Variants in KDM4C observed in about 807,000 individuals in gnomAD.
KDM4C encodes lysine-specific demethylase 4C.
In KDM4C, 81 loss-of-function variants were observed where a neutral mutation model predicts 129.3. The ratio of observed to expected loss-of-function variants is 0.63; its 90% confidence interval spans 0.52 to 0.75. The LOEUF (loss-of-function observed/expected upper bound fraction) is 0.75, where lower values mean the gene tolerates loss of function less well. Among genes scored for constraint, KDM4C ranks in the 30% least tolerant of loss-of-function variants. The probability of loss-of-function intolerance (pLI) is 0.00; values close to 1 mark genes in which losing one functional copy is unlikely to be tolerated. For synonymous variants in KDM4C, 573 were observed against 456.1 expected, an observed-to-expected ratio of 1.26 and a Z score of -3.26; for missense variants, 1,457 against 1,304.0, an observed-to-expected ratio of 1.12 and a Z score of -1.81.
chr9:6,936,725 G>A (rs1824862833), intron 8 of KDM4C, among the ~76,000 whole-genome samples: 1 of 152,156 alleles, frequency 6.6e-6, no homozygotes, highest in Non-Finnish European at 1.5e-5. Flanking sequence ...AGTGTAGTAG[G>A]TTAAGAGCAC....
intron 8 of KDM4C, among the ~76,000 whole-genome samples, chr9:6,938,918 G>A (rs373032770): frequency 6.6e-6 from 1 of 152,144 alleles, no homozygotes; most frequent in East Asian, 2.0e-4. Flanking sequence ...GGAATGCATA[G>A]ACCTGTTACT....
Position 7,104,032 on chromosome 9 carries a change from C to T in KDM4C, c.2610+162C>T, listed in dbSNP as rs41314199. ...GGGCAGGGATTGCGCACTGTTATTT[C>T]CTGGTATTTGCCTAGGACCTGTCAA... On this transcript the variant is annotated intron_variant, in intron 18 of 21. Coordinates refer to ENST00000381309, the MANE Select transcript of KDM4C (RefSeq NM_015061.6). 600 of 644,724 alleles carry T rather than the reference C, an allele frequency of 9.3e-4. 1 individual carries two copies. Among genetic ancestry groups the T allele is most frequent in the Non-Finnish European group, 1.4e-3 (514 of 376,682 alleles). The allele number at this position is 644,724 out of a possible 1,614,324, so 39.9% of individuals were successfully genotyped here. A position where few individuals can be genotyped will look rare whatever the true frequency, so the allele number is the denominator to read the frequency against.
chr9:6,820,851 C>G (rs975396215), intron 4 of KDM4C, among the ~76,000 whole-genome samples: 2 of 151,872 alleles, frequency 1.3e-5, no homozygotes, highest in African/African-American at 2.4e-5. Flanking sequence ...GATATTTCTC[C>G]TAATGCTATC....
At chr9:6,839,175 G>A (rs1836435480) in intron 4 of KDM4C, among the ~76,000 whole-genome samples, 7 of 152,072 alleles carry the variant, frequency 4.6e-5, no homozygotes, top group Admixed American at 4.6e-4. Context: ...ATGTGGGCTT[G>A]GATAAGAGTC....
chr9:6,723,186 C>T (rs1310658415), intron 1 of KDM4C, among the ~76,000 whole-genome samples: 1 of 151,852 alleles, frequency 6.6e-6, no homozygotes, highest in Non-Finnish European at 1.5e-5. Context: ...CCAGCCTGCC[C>T]AACATGGAGA....
chr9:6,887,918 T>C, intron 6 of KDM4C, 42 bp from the exon 7 acceptor site: 1 of 1,149,324 alleles, frequency 8.7e-7, no homozygotes, highest in Non-Finnish European at 1.3e-6. Context: ...ATATTTTCTC[T>C]TAATCGACAC....
At chr9:7,099,249 A>G (rs1016429270) in intron 17 of KDM4C, among the ~76,000 whole-genome samples, 2 of 152,220 alleles carry the variant, frequency 1.3e-5, no homozygotes, top group South Asian at 2.1e-4. Context: ...ATCAGAAATC[A>G]TATTAACAGG....
At chr9:6,814,107 TG>T in intron 3 of KDM4C, among the ~76,000 whole-genome samples, 1 of 152,288 alleles carries the variant, frequency 6.6e-6, no homozygotes, top group Admixed American at 6.5e-5. Flanking sequence ...TATGCTGGAA[TG>T]GTTTTGCCAG....
intron 5 of KDM4C, among the ~76,000 whole-genome samples, chr9:6,866,582 T>G (rs1300098540): frequency 1.3e-5 from 2 of 152,146 alleles, no homozygotes; most frequent in Non-Finnish European, 1.5e-5. Flanking sequence ...TCTGGCTGTC[T>G]TGAGGGATAT....
At chr9:6,891,484 A>G (rs1846111705) in intron 7 of KDM4C, among the ~76,000 whole-genome samples, 1 of 152,170 alleles carries the variant, frequency 6.6e-6, no homozygotes, top group Non-Finnish European at 1.5e-5. Flanking sequence ...AAGATAAATC[A>G]GGGGTTTTCT....
At chr9:6,924,915 C>T (rs1181684677) in intron 8 of KDM4C, 7 of 984,408 alleles carry the variant, frequency 7.1e-6, no homozygotes, top group Non-Finnish European at 8.4e-6. Context: ...AGAGTACAGC[C>T]TTTAGTTCTA....
At chr9:7,034,322 A>AT (rs1482639414) in intron 15 of KDM4C, among the ~76,000 whole-genome samples, 1 of 152,064 alleles carries the variant, frequency 6.6e-6, no homozygotes, top group East Asian at 1.9e-4. Context: ...TCTAGCTGTA[A>AT]TTTTTTATCT....
chr9:6,760,037 A>T (rs1280490502), intron 1 of KDM4C, among the ~76,000 whole-genome samples: 1 of 151,984 alleles, frequency 6.6e-6, no homozygotes, highest in Non-Finnish European at 1.5e-5. Flanking sequence ...CATCACCACA[A>T]TGAATTTTTG....
At chr9:6,820,299 AGAGCTAGGTAAATTGAAGG>A (rs1832799643) in intron 4 of KDM4C, among the ~76,000 whole-genome samples, 1 of 152,200 alleles carries the variant, frequency 6.6e-6, no homozygotes, top group Non-Finnish European at 1.5e-5. Context: ...AGGTGGGACC[AGAGCTAGGTAAATTGAAGG>A]GTGAGACCAC....
intron 12 of KDM4C, among the ~76,000 whole-genome samples, chr9:6,991,697 TC>T (rs1211312703): frequency 6.7e-6 from 1 of 148,664 alleles, no homozygotes; most frequent in Non-Finnish European, 1.5e-5. Flanking sequence ...ACAGATTTTT[TC>T]CCCCTTTCAC....
At chr9:6,958,366 T>C (rs1288311573) in intron 8 of KDM4C, among the ~76,000 whole-genome samples, 2 of 152,072 alleles carry the variant, frequency 1.3e-5, no homozygotes, top group East Asian at 3.9e-4. Flanking sequence ...GAGTGGATTA[T>C]CTGAGACCAG....
chr9:6,764,125 C>A (rs910369237), intron 1 of KDM4C, among the ~76,000 whole-genome samples: 4 of 152,202 alleles, frequency 2.6e-5, no homozygotes, highest in African/African-American at 9.7e-5. Flanking sequence ...ATAGTTTCAG[C>A]ATCAAGCTTT....
chr9:6,735,855 G>T (rs1031390696), intron 1 of KDM4C, among the ~76,000 whole-genome samples: 1 of 152,170 alleles, frequency 6.6e-6, no homozygotes, highest in African/African-American at 2.4e-5. Flanking sequence ...GGAACAGTTT[G>T]GAGGGCTCAG....
At chr9:6,777,094 A>G (rs1823241911) in intron 1 of KDM4C, among the ~76,000 whole-genome samples, 1 of 152,208 alleles carries the variant, frequency 6.6e-6, no homozygotes, top group Non-Finnish European at 1.5e-5. Flanking sequence ...AGGAAACAAC[A>G]GATTTTCACT....
Sources: allele counts gnomAD v4.1 joint callset (sites outside exome capture counted in the v4.1 genomes callset), GRCh38; gene constraint gnomAD v4.1.1; transcripts MANE v1.5; gene names NCBI Gene and HGNC (gene_info 2026-07-23, HGNC 2026-07-21).